AK3: variants seen among roughly 807,000 people sequenced by gnomAD.
AK3 encodes the protein GTP:AMP phosphotransferase AK3, mitochondrial.
A neutral mutation model predicts 23.7 loss-of-function variants in AK3; 27 were observed. The observed-to-expected ratio is 1.14, with a 90% CI of 0.84 to 1.57. The LOEUF is 1.57. AK3 is among the 40% of genes most tolerant of loss of function. The pLI is 0.00. For synonymous variants in AK3, 159 were observed against 116.0 expected (o/e 1.37, Z -2.38); for missense variants, 406 against 285.6 (o/e 1.42, Z -3.04).
chr9:4,738,761 C>CTTTT (rs35812152), intron 1 of AK3, among the ~76,000 whole-genome samples: 68 of 75,064 alleles, frequency 9.1e-4, no homozygotes, highest in East Asian at 1.2e-3. Context: ...ATATGCTTTA[C>CTTTT]TTTTTTTTTT....
At chr9:4,735,149 C>T (rs991223091) in intron 1 of AK3, among the ~76,000 whole-genome samples, 2 of 148,616 alleles carry the variant, frequency 1.3e-5, no homozygotes, top group African/African-American at 5.0e-5. Context: ...ATCCCAACAC[C>T]TTGAGAGGCT....
Position 4,719,224 on chromosome 9 carries a change from C to CAACATT in AK3, c.354_355insAATGTT (p.Phe118_Glu119insAsnVal). On this transcript the variant is annotated inframe_insertion, in exon 3 of 5. Transcript: ENST00000381809. The stretch of plus-strand genomic sequence containing the variant: ...GCAGTAAGGCGTTGTTTAATGACCT[C>CAACATT]AAAGGGCACATTCAGGTTAATCACT... 1 of 1,612,016 alleles carries CAACATT rather than the reference C, an allele frequency of 6.2e-7. No individual in the cohort carries two copies. The highest frequency in any genetic ancestry group is 1.1e-5 in the South Asian group (1 of 90,978).
Position 4,741,155 on chromosome 9 carries a change from C to G in AK3, c.-68G>C. ...GGCCTGGCCTGCGCGCTCACCCGCT[C>G]GGCAGCCTGCGCCGGCCGGCTAGCA... On this transcript the variant is annotated 5_prime_UTR_variant, in exon 1 of 5. Transcript: ENST00000381809. 1.5e-6 allele frequency: 2 copies of G among 1,327,172 alleles called. No individual in the cohort carries two copies. The highest frequency in any genetic ancestry group is 1.9e-6 in the Non-Finnish European group (2 of 1,035,688). 82.2% of individuals were successfully genotyped at this position (1,327,172 alleles called of 1,614,324 possible).
rs202157194 is a variant in AK3 at position 4,722,637 on chromosome 9, C to T, written c.152-12G>A. On this transcript the variant is annotated splice_polypyrimidine_tract_variant and intron_variant, in intron 1 of 4. Transcript: ENST00000381809. The stretch of plus-strand genomic sequence containing the variant: ...TAACACGCCAATTTCTACAGCAAAG[C>T]GGGGAAAAAAATCAGTAAGTGCATT... 64 of 1,613,586 alleles carry T rather than the reference C, an allele frequency of 4.0e-5. No homozygotes were observed. In the African/African-American group the frequency reaches 6.4e-4, roughly 16 times the overall value.
At chr9:4,714,063 TAC>T (rs755317622) in intron 4 of AK3, among the ~76,000 whole-genome samples, 934 of 7,056 alleles carry the variant, frequency 0.13, 108 homozygotes, top group African/African-American at 0.24. Flanking sequence ...CCTACACATA[TAC>T]ACACCTACAC....
intron 1 of AK3, 149 bp downstream of exon 1, chr9:4,740,788 C>G: frequency 9.3e-7 from 1 of 1,075,186 alleles, no homozygotes; most frequent in Non-Finnish European, 1.2e-6. Context: ...GGGGCGCAGT[C>G]GCTCAGCAGC....
chr9:4,728,998 C>CACACACATAT (rs780404503), intron 1 of AK3, among the ~76,000 whole-genome samples: 1 of 91,362 alleles, frequency 1.1e-5, no homozygotes, highest in African/African-American at 4.1e-5. Context: ...CACACACACA[C>CACACACATAT]ATATATATAT....
chr9:4,713,697 G>A (rs1320547366), intron 4 of AK3, among the ~76,000 whole-genome samples: 3 of 152,098 alleles, frequency 2.0e-5, no homozygotes, highest in African/African-American at 4.8e-5. Context: ...CCTATTGACT[G>A]TCTTCATTTC....
At chr9:4,716,497 G>A (rs1314792171) in intron 4 of AK3, among the ~76,000 whole-genome samples, 3 of 152,248 alleles carry the variant, frequency 2.0e-5, no homozygotes, top group African/African-American at 4.8e-5. Flanking sequence ...TTGTGGCATG[G>A]AGGTTAAATA....
At chr9:4,740,036 C>T (rs562213816) in intron 1 of AK3, among the ~76,000 whole-genome samples, 5 of 135,926 alleles carry the variant, frequency 3.7e-5, no homozygotes, top group South Asian at 4.5e-4. Context: ...ATGCTATGCA[C>T]GTCTATCCTG....
chr9:4,730,079 G>T (rs1052983354), intron 1 of AK3, among the ~76,000 whole-genome samples: 4 of 152,264 alleles, frequency 2.6e-5, no homozygotes, highest in African/African-American at 9.6e-5. Flanking sequence ...AGACACAAAA[G>T]ACTATATATC....
chr9:4,741,320 G>C (rs1842429661), upstream of AK3: 2 of 400,238 alleles, frequency 5.0e-6, no homozygotes, highest in East Asian at 4.0e-5. Context: ...GCCCCCGACC[G>C]AGCGCCTGTT....
intron 1 of AK3, among the ~76,000 whole-genome samples, chr9:4,727,962 G>C (rs577482082): frequency 1.2e-3 from 186 of 152,252 alleles, no homozygotes; most frequent in African/African-American, 4.3e-3. Flanking sequence ...CTGGTTAGTG[G>C]AACAGTCAGA....
In AK3 at chr9:4,712,382, A is replaced by T. The variant is rs1478198232; in HGVS notation, c.*594T>A. The T allele has an allele frequency of 6.6e-6, 1 of 152,202 alleles. No homozygotes were observed. Among genetic ancestry groups the T allele is most frequent in the Non-Finnish European group, 1.5e-5 (1 of 68,020 alleles). The allele number at this position is 152,202 out of a possible 1,614,324, so 9.4% of individuals were successfully genotyped here. ...TATAGCAAATTGAAAATTCTGAGTAAACTGAAAGTATGCTTAACGACAAAA... is the reference window on the plus strand; with the variant it reads ...TATAGCAAATTGAAAATTCTGAGTATACTGAAAGTATGCTTAACGACAAAA... On this transcript the variant is annotated 3_prime_UTR_variant, in exon 5 of 5. Transcript: ENST00000381809.
chr9:4,735,378 T>C (rs191136537), intron 1 of AK3, among the ~76,000 whole-genome samples: 538 of 47,066 alleles, frequency 0.011, 27 homozygotes, highest in Non-Finnish European at 0.016. Flanking sequence ...TATAAATATA[T>C]ATACATATAT....
intron 4 of AK3, among the ~76,000 whole-genome samples, chr9:4,714,025 GCTACACATATACATCTACACATATACA>G (rs1841641279): frequency 3.5e-4 from 1 of 2,854 alleles, no homozygotes; most frequent in Non-Finnish European, 8.4e-4. Context: ...CACATATACA[GCTACACATATACATCTACACATATACA>G]CCTACACATA....
intron 4 of AK3, among the ~76,000 whole-genome samples, chr9:4,714,554 G>T (rs1841668890): frequency 2.0e-5 from 3 of 152,148 alleles, no homozygotes; most frequent in African/African-American, 7.2e-5. Flanking sequence ...CTTAACTGTT[G>T]TAAGCCTCTT....
intron 4 of AK3, among the ~76,000 whole-genome samples, chr9:4,718,142 A>T (rs896421300): frequency 1.3e-5 from 2 of 152,212 alleles, no homozygotes; most frequent in Non-Finnish European, 2.9e-5. Flanking sequence ...TGTTCCTACA[A>T]ATGTCTGCTA....
chr9:4,739,259 C>G (rs1455020410), intron 1 of AK3, among the ~76,000 whole-genome samples: 2 of 151,614 alleles, frequency 1.3e-5, no homozygotes, highest in African/African-American at 4.8e-5. Flanking sequence ...GTTGCAATCT[C>G]GACTCACAGC....
Sources: allele counts gnomAD v4.1 joint callset (sites outside exome capture counted in the v4.1 genomes callset), GRCh38; gene constraint gnomAD v4.1.1; transcripts MANE v1.5; gene names NCBI Gene and HGNC (gene_info 2026-07-23, HGNC 2026-07-21).